The following MRPS6 variants were observed in gnomAD, a reference collection of about 807,000 sequenced individuals.
MRPS6 encodes mitochondrial ribosomal protein S6.
A neutral mutation model predicts 13.1 loss-of-function variants in MRPS6; 6 were observed. The ratio of observed to expected loss-of-function variants is 0.46; its 90% confidence interval spans 0.25 to 0.91. The LOEUF is 0.91. Among genes scored for constraint, MRPS6 ranks in the 40% least tolerant of loss-of-function variants. MRPS6 has a pLI of 0.18. For synonymous variants in MRPS6, 61 were observed against 56.5 expected (o/e 1.08, Z -0.36); for missense variants, 164 against 155.6 (o/e 1.05, Z -0.29).
In MRPS6 at chr21:34,110,686, T is replaced by G. The variant is rs1305424103; in HGVS notation, c.46-14655T>G. Among the ~76,000 whole-genome samples the G allele has an allele frequency of 2.0e-5, 3 of 152,346 alleles. No individual in the cohort carries two copies. In the South Asian group the frequency reaches 6.2e-4, roughly 32 times the overall value. On this transcript the variant is annotated intron_variant, in intron 1 of 2. Transcript: ENST00000399312. Reference sequence around the variant, plus strand: ...TGAGTGAATTCTGAATCGTTGCCCCTTGCGTTAGATTCCTTCCAGTGTATG... The same window carrying G: ...TGAGTGAATTCTGAATCGTTGCCCCGTGCGTTAGATTCCTTCCAGTGTATG...
Position 34,142,501 on chromosome 21 carries a change from T to G in MRPS6, c.279T>G (p.Ile93Met). The G allele has an allele frequency of 1.2e-6, 2 of 1,613,580 alleles. No homozygotes were observed. The highest frequency in any genetic ancestry group is 1.7e-6 in the Non-Finnish European group (2 of 1,179,784). ...SRDIDVIRGN[I>M]VKHPLTQELK... is the part of the protein sequence containing the mutation. ...ATATAGATGTGATTAGAGGGAATATTGTCAAACACCCTCTGACCCAGGAAC... is the reference window on the plus strand; with the variant it reads ...ATATAGATGTGATTAGAGGGAATATGGTCAAACACCCTCTGACCCAGGAAC... The change falls in exon 3 of 3, where the codon ATT (isoleucine) becomes ATG (methionine). Residue 93 changes from isoleucine (I) to methionine (M), a missense_variant. By Grantham distance (10) the Ile-to-Met change is conservative (BLOSUM62 1). Coordinates refer to ENST00000399312, the MANE Select transcript of MRPS6 (RefSeq NM_032476.4).
At chr21:34,113,130 C>A (rs1272407214) in intron 1 of MRPS6, among the ~76,000 whole-genome samples, 1 of 152,122 alleles carries the variant, frequency 6.6e-6, no homozygotes, top group Non-Finnish European at 1.5e-5. Flanking sequence ...CTGTTGCACA[C>A]CGTTGGTGGG....
intron 1 of MRPS6, among the ~76,000 whole-genome samples, chr21:34,077,849 A>C (rs914853658): frequency 6.6e-6 from 1 of 152,192 alleles, no homozygotes; most frequent in Admixed American, 6.5e-5. Flanking sequence ...AGAGTGATGA[A>C]GAGTTTTTCT....
intron 2 of MRPS6, among the ~76,000 whole-genome samples, chr21:34,129,830 G>C (rs1980438544): frequency 6.6e-6 from 1 of 152,144 alleles, no homozygotes; most frequent in Non-Finnish European, 1.5e-5. Flanking sequence ...TGGCCTTGGA[G>C]GTTTCTTTTT....
chr21:34,116,528 A>G (rs1000666878), intron 1 of MRPS6, among the ~76,000 whole-genome samples: 1 of 151,990 alleles, frequency 6.6e-6, no homozygotes, highest in Admixed American at 6.6e-5. Flanking sequence ...TAACTTTATG[A>G]TGAGCATTTT....
At position 34,104,340 on chromosome 21, in the gene MRPS6, C is replaced by T. The variant is rs995193253; in HGVS notation, c.46-21001C>T. The stretch of plus-strand genomic sequence containing the variant: ...GTGTGTGTAGAAGAAAACGTATGTT[C>T]TTCTACTCAGCATTGCCCTTTTCCA... On this transcript the variant is annotated intron_variant, in intron 1 of 2. Transcript: ENST00000399312. 3 of 999,882 alleles carry T rather than the reference C, an allele frequency of 3.0e-6. No individual in the cohort carries two copies. In the Admixed American group the frequency reaches 1.8e-4, roughly 61 times the overall value. 61.9% of individuals were successfully genotyped at this position (999,882 alleles called of 1,614,324 possible).
chr21:34,082,867 A>AT (rs1240283559), intron 1 of MRPS6, among the ~76,000 whole-genome samples: 4 of 152,108 alleles, frequency 2.6e-5, no homozygotes, highest in African/African-American at 4.8e-5. Context: ...CCTTGCAATC[A>AT]TTTTTACTAT....
intron 2 of MRPS6, among the ~76,000 whole-genome samples, chr21:34,133,094 C>T (rs753804311): frequency 6.6e-6 from 1 of 152,184 alleles, no homozygotes. Flanking sequence ...AATTGCCACA[C>T]GGAGTGGAGC....
chr21:34,073,795 G>A (rs774107007), intron 1 of MRPS6, 50 bp downstream of exon 1: 18 of 1,366,432 alleles, frequency 1.3e-5, no homozygotes, highest in Non-Finnish European at 1.5e-5. Flanking sequence ...CGCCCCCGCT[G>A]CCGCTAGGCC....
chr21:34,128,103 A>C (rs570213823), intron 2 of MRPS6, among the ~76,000 whole-genome samples: 1 of 152,226 alleles, frequency 6.6e-6, no homozygotes, highest in South Asian at 2.1e-4. Flanking sequence ...TGTGGGGAGA[A>C]ATGGTATGTC....
intron 1 of MRPS6, among the ~76,000 whole-genome samples, chr21:34,094,655 C>T (rs1231148038): frequency 6.6e-6 from 1 of 152,134 alleles, no homozygotes; most frequent in Non-Finnish European, 1.5e-5. Flanking sequence ...GTCCTCAGCT[C>T]AAAATGATAA....
At chr21:34,137,048 A>C (rs558193105) in intron 2 of MRPS6, among the ~76,000 whole-genome samples, 1 of 152,246 alleles carries the variant, frequency 6.6e-6, no homozygotes, top group African/African-American at 2.4e-5. Flanking sequence ...TCTGTACATG[A>C]ATATCATACT....
chr21:34,078,428 G>A (rs1002980140), intron 1 of MRPS6, among the ~76,000 whole-genome samples: 1 of 152,122 alleles, frequency 6.6e-6, no homozygotes, highest in African/African-American at 2.4e-5. Flanking sequence ...TTCCTCACCA[G>A]ATATGGTTTG....
intron 1 of MRPS6, chr21:34,100,097 A>G (rs1294370892): frequency 2.0e-6 from 2 of 998,938 alleles, no homozygotes; most frequent in Non-Finnish European, 2.4e-6. Flanking sequence ...ATATTAGCTC[A>G]AGCTAAGGTT....
intron 1 of MRPS6, among the ~76,000 whole-genome samples, chr21:34,109,905 GA>G (rs903482957): frequency 6.6e-6 from 1 of 151,956 alleles, no homozygotes; most frequent in African/African-American, 2.4e-5. Flanking sequence ...CCATAAAGCT[GA>G]AAAAAATCTC....
intron 1 of MRPS6, chr21:34,101,221 T>C (rs1979222216): frequency 2.0e-6 from 2 of 999,938 alleles, no homozygotes; most frequent in African/African-American, 1.7e-5. Context: ...AATCTGCATA[T>C]GTAGAATCAT....
chr21:34,091,552 C>T (rs1363408669), intron 1 of MRPS6, among the ~76,000 whole-genome samples: 1 of 152,094 alleles, frequency 6.6e-6, no homozygotes, highest in African/African-American at 2.4e-5. Context: ...TTTGGTCTTA[C>T]CTTTTTTTCT....
intron 1 of MRPS6, among the ~76,000 whole-genome samples, chr21:34,086,956 C>T (rs1386892869): frequency 2.6e-5 from 4 of 152,146 alleles, no homozygotes; most frequent in South Asian, 4.1e-4. Context: ...CAGACAGACA[C>T]GCACAGGGAA....
At chr21:34,116,317 TG>T (rs896584671) in intron 1 of MRPS6, among the ~76,000 whole-genome samples, 5 of 146,766 alleles carry the variant, frequency 3.4e-5, no homozygotes, top group Admixed American at 1.4e-4. Context: ...CAATCATCCA[TG>T]TTTTTTTTTT....
Sources: gnomAD v4.1 joint callset for allele counts (sites outside exome capture counted in the v4.1 genomes callset) on GRCh38, gnomAD v4.1.1 for gene constraint, MANE v1.5 for transcripts, NCBI Gene and HGNC (gene_info 2026-07-23, HGNC 2026-07-21) for gene names.